Variants in AHRR observed in about 807,000 individuals in gnomAD.
The protein encoded by AHRR is ahR repressor.
Under a neutral mutation model 44.0 loss-of-function variants are expected in AHRR, and 28 were observed. The observed-to-expected ratio is 0.64, with a 90% CI of 0.47 to 0.87. AHRR has a LOEUF of 0.87. Ranked by LOEUF, AHRR falls within the 40% of genes least tolerant of loss-of-function variation. The pLI, the probability that AHRR is intolerant of heterozygous loss-of-function variation, is 0.00. For synonymous variants in AHRR, 434 were observed against 407.0 expected, an observed-to-expected ratio of 1.07 and a Z score of -0.80; for missense variants, 990 against 953.9, an observed-to-expected ratio of 1.04 and a Z score of -0.50.
At position 406,230 on chromosome 5, in the gene AHRR, C is replaced by G. The variant is rs11954975; in HGVS notation, c.352-7114C>G. On this transcript the variant is annotated intron_variant, in intron 4 of 10. Coordinates refer to ENST00000684583, the MANE Select transcript of AHRR (RefSeq NM_001377236.1). This position sits in a 1 kb window ranked among gnomAD's most constrained non-coding sequence, Gnocchi z 4.7. ...GGGGACTTCTGCTGCCCCCAGCCCC[C>G]CTTCCTTCCAGCCAGTGGCTCTGTG... Among the ~76,000 whole-genome samples, 580 of 152,328 alleles carry G rather than the reference C, an allele frequency of 3.8e-3. 3 individuals carry two copies. The highest frequency in any genetic ancestry group is 5.3e-3 in the Non-Finnish European group (360 of 68,028).
chr5:345,095 T>G lies in AHRR; in HGVS notation c.62+1131T>G, dbSNP rs1742576512. 3.0e-5 allele frequency among the ~76,000 whole-genome samples: 2 copies of G among 67,554 alleles called. 1 individual carries two copies. The highest frequency in any genetic ancestry group is 1.8e-4 in the African/African-American group (2 of 10,836). 44.3% of individuals were successfully genotyped at this position (67,554 alleles called of 152,430 possible). On this transcript the variant is annotated intron_variant, in intron 2 of 10. Transcript: ENST00000684583. ...ATGTGTGTGTGTGTGTGTGTGTGTG[T>G]GTCAGATGATGTCCCTGGCTGTGTG...
chr5:422,703 G>T, intron 5 of AHRR, 26 bp from the exon 6 acceptor site: 1 of 1,614,138 alleles, frequency 6.2e-7, no homozygotes, highest in South Asian at 1.1e-5. Context: ...GGGTAAGGCT[G>T]AAATAATCTT....
Position 404,245 on chromosome 5 carries a change from C to G in AHRR, c.352-9099C>G, listed in dbSNP as rs1451671704. On this transcript the variant is annotated intron_variant, in intron 4 of 10. Transcript: ENST00000684583. This position sits in a 1 kb window ranked among gnomAD's most constrained non-coding sequence, Gnocchi z 4.1. ...TCATCCATGAGTCTAATCACATCTG[C>G]TCCATGCATGTTCCCAAATCATTGC... 1 of 513,516 alleles carries G rather than the reference C, an allele frequency of 1.9e-6. No individual in the cohort carries two copies. Among genetic ancestry groups the G allele is most frequent in the Admixed American group, 2.2e-5 (1 of 45,504 alleles). 31.8% of individuals were successfully genotyped at this position (513,516 alleles called of 1,614,324 possible).
rs1211176826 is a variant in AHRR at position 406,301 on chromosome 5, A to AAC, written c.352-7041_352-7040dup. ...TCTTGCAGGAACATGGAGGGACCGG[A>AAC]ACATGGAGGGACCAGTCCAGAATGG... On this transcript the variant is annotated intron_variant, in intron 4 of 10. Transcript: ENST00000684583. This position sits in a 1 kb window ranked among gnomAD's most constrained non-coding sequence, Gnocchi z 4.7. 3.3e-5 allele frequency among the ~76,000 whole-genome samples: 5 copies of AAC among 152,170 alleles called. No individual in the cohort carries two copies. Among genetic ancestry groups the AAC allele is most frequent in the Admixed American group, 2.6e-4 (4 of 15,282 alleles).
chr5:366,961 C>T (rs1301393737), intron 3 of AHRR, among the ~76,000 whole-genome samples: 2 of 152,200 alleles, frequency 1.3e-5, no homozygotes, highest in African/African-American at 2.4e-5. Flanking sequence ...TGGCTGCTGC[C>T]GCAGTCCAGC....
intron 4 of AHRR, among the ~76,000 whole-genome samples, chr5:389,916 GGAGGGA>G (rs1406820879): frequency 3.4e-5 from 4 of 116,446 alleles, no homozygotes; most frequent in African/African-American, 1.3e-4. Context: ...GGAGGGGAAG[GGAGGGA>G]GGGGGAGGGG....
At position 400,618 on chromosome 5, in the gene AHRR, G is replaced by A. The variant is rs374632669; in HGVS notation, c.352-12726G>A. On this transcript the variant is annotated intron_variant, in intron 4 of 10. Transcript: ENST00000684583. ...GCAGAGGGAGAGAAAACAAACAGAC[G>A]TTCGAGATGCATATTTGAAAGATGG... Among the ~76,000 whole-genome samples the A allele has an allele frequency of 1.4e-4, 22 of 152,088 alleles. 1 individual carries two copies. The highest frequency in any genetic ancestry group is 9.6e-4 in the East Asian group (5 of 5,200).
chr5:391,284 C>CAT (rs1475414935), intron 4 of AHRR, among the ~76,000 whole-genome samples: 1 of 147,482 alleles, frequency 6.8e-6, no homozygotes, highest in African/African-American at 2.5e-5. Flanking sequence ...TGAGGGCAGT[C>CAT]ATGACACAGC....
chr5:391,383 GCGAGGAGGGC>G (rs1377044509), intron 4 of AHRR, among the ~76,000 whole-genome samples: 1 of 113,442 alleles, frequency 8.8e-6, no homozygotes, highest in African/African-American at 5.0e-5. Flanking sequence ...TGGGCGCAGG[GCGAGGAGGGC>G]GCAGGGCGAG....
intron 1 of AHRR, among the ~76,000 whole-genome samples, chr5:332,508 C>T (rs1178849893): frequency 6.6e-6 from 1 of 152,030 alleles, no homozygotes; most frequent in Non-Finnish European, 1.5e-5. Context: ...CCTCATGATC[C>T]ACCCGCCTCG....
intron 2 of AHRR, among the ~76,000 whole-genome samples, chr5:345,257 G>T (rs1187912740): frequency 1.7e-5 from 2 of 114,810 alleles, no homozygotes; most frequent in East Asian, 3.0e-4. Context: ...TGTGTGTGTG[G>T]GGAGAGGGGT....
At chr5:417,831 T>C (rs545291434) in intron 5 of AHRR, among the ~76,000 whole-genome samples, 16 of 152,326 alleles carry the variant, frequency 1.1e-4, no homozygotes, top group African/African-American at 3.8e-4. Context: ...ATGAAAAAAT[T>C]AGAGCAGCTT....
At chr5:399,733 C>T (rs1038422065) in intron 4 of AHRR, among the ~76,000 whole-genome samples, 5 of 152,210 alleles carry the variant, frequency 3.3e-5, no homozygotes, top group Admixed American at 6.5e-5. Context: ...GTTAACCGAG[C>T]GGGGCTGCAG....
At chr5:354,842 T>C (rs1261362951) in intron 3 of AHRR, among the ~76,000 whole-genome samples, 1 of 152,140 alleles carries the variant, frequency 6.6e-6, no homozygotes, top group Non-Finnish European at 1.5e-5. Context: ...CCTGGGCCCC[T>C]GCAGACCTCT....
intron 5 of AHRR, among the ~76,000 whole-genome samples, chr5:418,161 T>C (rs1416690716): frequency 6.6e-6 from 1 of 152,210 alleles, no homozygotes; most frequent in Non-Finnish European, 1.5e-5. Context: ...TGGAAATGAT[T>C]TTATTCTAAA....
At position 434,615 on chromosome 5, in the gene AHRR, T is replaced by C. The variant is rs1736913319; in HGVS notation, c.1875T>C (p.Leu625=). The part of the protein sequence containing the change: ...HCACLEPTDG[L]PQSEPPHQLC... ...CCTGCCTGGAGCCCACAGACGGCCT[T>C]CCCCAGTCGGAGCCTCCCCACCAGC... is the stretch of plus-strand genomic sequence containing the variant. Residue 625 remains leucine, a synonymous_variant, in exon 11 of 11, where the codon CTT becomes CTC. Transcript: ENST00000684583. 6.4e-7 allele frequency: 1 copy of C among 1,563,250 alleles called. No homozygotes were observed. The highest frequency in any genetic ancestry group is 1.4e-5 in the African/African-American group (1 of 73,634).
At position 397,718 on chromosome 5, in the gene AHRR, C is replaced by T. The variant is rs566452209; in HGVS notation, c.352-15626C>T. ...CATCCACGTAGCCCCTGACCGTCCA[C>T]GTAGCTCCTGACCGTCCACGTAGCT... On this transcript the variant is annotated intron_variant, in intron 4 of 10. Coordinates refer to ENST00000684583, the MANE Select transcript of AHRR (RefSeq NM_001377236.1). Among the ~76,000 whole-genome samples the T allele has an allele frequency of 1.9e-3, 247 of 132,838 alleles. 3 individuals carry two copies. Among genetic ancestry groups the T allele is most frequent in the South Asian group, 5.7e-3 (23 of 4,010 alleles). The allele number at this position is 132,838 out of a possible 152,430, so 87.1% of individuals were successfully genotyped here.
At position 431,318 on chromosome 5, in the gene AHRR, A is replaced by G. The variant is rs571836837; in HGVS notation, c.909-1145A>G. 4.6e-5 allele frequency among the ~76,000 whole-genome samples: 7 copies of G among 152,360 alleles called. No individual in the cohort carries two copies. In the East Asian group the frequency reaches 1.4e-3, roughly 29 times the overall value. On this transcript the variant is annotated intron_variant, in intron 8 of 10. Coordinates refer to ENST00000684583, the MANE Select transcript of AHRR (RefSeq NM_001377236.1). Reference sequence around the variant, plus strand: ...GTGGGGTGGAGCCCAAGGCACATAAAGCTGGCACACAACTTCAGCTCAACA... The same window carrying G: ...GTGGGGTGGAGCCCAAGGCACATAAGGCTGGCACACAACTTCAGCTCAACA...
intron 4 of AHRR, among the ~76,000 whole-genome samples, chr5:400,930 C>T (rs1734989437): frequency 1.3e-5 from 2 of 152,180 alleles, no homozygotes; most frequent in African/African-American, 2.4e-5. Context: ...TGGCAGGAGC[C>T]GGCGGGCACA....
Sources: gnomAD v4.1 joint callset for allele counts (sites outside exome capture counted in the v4.1 genomes callset) on GRCh38, gnomAD v4.1.1 for gene constraint, Gnocchi (gnomAD v3.1) non-coding constraint, MANE v1.5 for transcripts, NCBI Gene and HGNC (gene_info 2026-07-23, HGNC 2026-07-21) for gene names.